PLEKHM2: variants seen among roughly 807,000 people sequenced by gnomAD.
The protein encoded by PLEKHM2 is pleckstrin homology and RUN domain containing M2, also known as pleckstrin homology domain-containing family M member 2.
Under a neutral mutation model 116.3 loss-of-function variants are expected in PLEKHM2, and 77 were observed. That is an observed-to-expected ratio of 0.66 (90% CI 0.55 to 0.80). PLEKHM2 has a LOEUF of 0.80. Ranked by LOEUF, PLEKHM2 falls within the 30% of genes least tolerant of loss-of-function variation. PLEKHM2 has a pLI of 0.00. For missense variants in PLEKHM2, 1,183 were observed against 1,354.9 expected (o/e 0.87, Z 1.99); for synonymous variants, 562 against 571.0 (o/e 0.98, Z 0.22).
chr1:15,699,149 A>G (rs1233045691), intron 1 of PLEKHM2, among the ~76,000 whole-genome samples: 1 of 151,776 alleles, frequency 6.6e-6, no homozygotes, highest in East Asian at 1.9e-4. Context: ...ATATAGTGAG[A>G]CCCCATCTCT....
rs747984540 is a variant in PLEKHM2 at position 15,725,432 on chromosome 1, G to A, written c.828G>A (p.Pro276=). ...GCCAGAACCCCTTCAACGAGGAGCC[G>A]GCAGAGACTGTGTCCTCCTCTGACA... ...TQRQNPFNEE[P]AETVSSSDTT... is the part of the protein sequence containing the mutation. Residue 276 remains proline (P), a synonymous_variant, in exon 8 of 20, where the codon CCG becomes CCA. Coordinates refer to ENST00000375799, the MANE Select transcript of PLEKHM2 (RefSeq NM_015164.4). The A allele has an allele frequency of 6.5e-5, 102 of 1,561,904 alleles. No homozygotes were observed. Among genetic ancestry groups the A allele is most frequent in the Middle Eastern group, 1.7e-4 (1 of 6,030 alleles).
In PLEKHM2 at chr1:15,727,968, C is replaced by A; in HGVS notation, c.1761-111C>A. 1.7e-6 allele frequency: 2 copies of A among 1,210,566 alleles called. No homozygotes were observed. The highest frequency in any genetic ancestry group is 2.4e-6 in the Non-Finnish European group (2 of 838,638). The allele number at this position is 1,210,566 out of a possible 1,614,324, so 75.0% of individuals were successfully genotyped here. On this transcript the variant is annotated intron_variant, in intron 9 of 19. Transcript: ENST00000375799. The surrounding 1 kb of genome is among the most constrained non-coding windows in gnomAD (Gnocchi z 7.5). ...AAGGGGTGTGAGCCTCCCTCCCTAA[C>A]TTTGGCTCCTAGTGGGAGGCGGAGG...
At chr1:15,709,753 G>A (rs929764757) in intron 1 of PLEKHM2, among the ~76,000 whole-genome samples, 18 of 152,024 alleles carry the variant, frequency 1.2e-4, no homozygotes, top group Non-Finnish European at 2.4e-4. Context: ...AATACCATGT[G>A]TAGATATGCA....
chr1:15,686,648 A>ATTTTTTTTTTTTTTTTTTTTTTTT (rs1233033159), intron 1 of PLEKHM2, among the ~76,000 whole-genome samples: 6 of 134,220 alleles, frequency 4.5e-5, no homozygotes, highest in African/African-American at 1.8e-4. Flanking sequence ...ACCCGGCTAA[A>ATTTTTTTTTTTTTTTTTTTTTTTT]TTTTTTTTTT....
rs200036096 is a variant in PLEKHM2 at position 15,727,749 on chromosome 1, C to T, written c.1677C>T (p.Ser559=). 1,062 of 1,603,614 alleles carry T rather than the reference C, an allele frequency of 6.6e-4. 1 individual carries two copies. Among genetic ancestry groups the T allele is most frequent in the Non-Finnish European group, 8.6e-4 (1,015 of 1,175,974 alleles). The change falls in exon 9 of 20, where the codon AGC becomes AGT. Residue 559 remains serine (S), a synonymous_variant. Coordinates refer to ENST00000375799, the MANE Select transcript of PLEKHM2 (RefSeq NM_015164.4). This position sits in a 1 kb window ranked among gnomAD's most constrained non-coding sequence, Gnocchi z 7.5. ...VLCQLKRDQP[S]PCLSSAEDSG... is the part of the protein sequence containing the mutation. ...GCCAGCTCAAGCGAGACCAGCCCAGCCCGTGTCTGAGTAGCGCTGAGGATT... is the reference window on the plus strand; with the variant it reads ...GCCAGCTCAAGCGAGACCAGCCCAGTCCGTGTCTGAGTAGCGCTGAGGATT...
chr1:15,730,812 C>A, intron 15 of PLEKHM2, 90 bp downstream of exon 15: 1 of 1,074,164 alleles, frequency 9.3e-7, no homozygotes, highest in South Asian at 1.6e-5. Flanking sequence ...CGCAGCAGGT[C>A]ACTGAGGGAG....
chr1:15,690,855 C>G (rs1341965153), intron 1 of PLEKHM2, among the ~76,000 whole-genome samples: 2 of 152,114 alleles, frequency 1.3e-5, no homozygotes, highest in Non-Finnish European at 2.9e-5. Flanking sequence ...CCTCATGGAG[C>G]TGACATTCTA....
chr1:15,703,076 G>A (rs1462566317), intron 1 of PLEKHM2, among the ~76,000 whole-genome samples: 1 of 152,164 alleles, frequency 6.6e-6, no homozygotes, highest in Non-Finnish European at 1.5e-5. Flanking sequence ...TCCTAGACCT[G>A]TCCTGCTGAG....
chr1:15,733,951 G>T lies in PLEKHM2; in HGVS notation c.*17G>T. On this transcript the variant is annotated 3_prime_UTR_variant, in exon 20 of 20. Coordinates refer to ENST00000375799, the MANE Select transcript of PLEKHM2 (RefSeq NM_015164.4). ...TGGTGCTGAGGCAGAGCTGGTTGGCGTCCCTGGTGGGCAGGAAAGGAAGGC... is the reference window on the plus strand; with the variant it reads ...TGGTGCTGAGGCAGAGCTGGTTGGCTTCCCTGGTGGGCAGGAAAGGAAGGC... 6.2e-7 allele frequency: 1 copy of T among 1,605,914 alleles called. No homozygotes were observed. The highest frequency in any genetic ancestry group is 1.1e-5 in the South Asian group (1 of 90,516).
rs768343269 is a variant in PLEKHM2 at position 15,727,479 on chromosome 1, C to T, written c.1407C>T (p.Val469=). The change falls in exon 9 of 20, where the codon GTC becomes GTT. Residue 469 remains valine (V), a synonymous_variant. Coordinates refer to ENST00000375799, the MANE Select transcript of PLEKHM2 (RefSeq NM_015164.4). The surrounding 1 kb of genome is among the most constrained non-coding windows in gnomAD (Gnocchi z 7.5). ...SAPMDFYRFT[V]ESPSTVTSGG... is the part of the protein sequence containing the mutation. The stretch of plus-strand genomic sequence containing the variant: ...CAATGGACTTCTACCGCTTTACCGT[C>T]GAGAGTCCAAGCACTGTTACATCAG... The T allele has an allele frequency of 8.8e-6, 14 of 1,598,762 alleles. No homozygotes were observed. Among genetic ancestry groups the T allele is most frequent in the South Asian group, 2.2e-5 (2 of 88,952 alleles).
chr1:15,701,319 A>G lies in PLEKHM2; in HGVS notation c.61-14918A>G, dbSNP rs1164756639. Among the ~76,000 whole-genome samples, 6 of 135,402 alleles carry G rather than the reference A, an allele frequency of 4.4e-5. No homozygotes were observed. In the East Asian group the frequency reaches 9.7e-4, roughly 22 times the overall value. The allele number at this position is 135,402 out of a possible 152,430, so 88.8% of individuals were successfully genotyped here. The stretch of plus-strand genomic sequence containing the variant: ...ATGGTGGCAGGTGCCTGTAATCCCA[A>G]CTACTCGAGAGGCTGAGGCAGGAGA... On this transcript the variant is annotated intron_variant, in intron 1 of 19. Transcript: ENST00000375799.
upstream of PLEKHM2, among the ~76,000 whole-genome samples, chr1:15,683,911 G>A (rs1430778166): frequency 7.2e-6 from 1 of 139,070 alleles, no homozygotes; most frequent in South Asian, 2.4e-4. Flanking sequence ...GAATCTGTGG[G>A]CTGACGAGGC....
Position 15,717,983 on chromosome 1 carries a change from AC to A in PLEKHM2, c.369del (p.Tyr124ThrfsTer13), listed in dbSNP as rs1422947870. ...GAGAACCTGGGCCTGCTGCATAAGTACTACGTCAAGTGAGTGTCTGGGACGG... is the reference window on the plus strand; with the variant it reads ...GAGAACCTGGGCCTGCTGCATAAGTATACGTCAAGTGAGTGTCTGGGACGG... ...FQENLGLLHK[Y>X]YVKNALVCSH... On this transcript the variant is annotated frameshift_variant, in exon 4 of 20. Coordinates refer to ENST00000375799, the MANE Select transcript of PLEKHM2 (RefSeq NM_015164.4). LOFTEE classifies it high-confidence loss of function. 1 of 1,586,394 alleles carries A rather than the reference AC, an allele frequency of 6.3e-7. No homozygotes were observed. The highest frequency in any genetic ancestry group is 8.6e-7 in the Non-Finnish European group (1 of 1,164,676).
Position 15,721,436 on chromosome 1 carries a change from C to T in PLEKHM2, c.712+48C>T, listed in dbSNP as rs2067996680. The stretch of plus-strand genomic sequence containing the variant: ...CCTCTTTTCCTGTTTTGCAATGTTT[C>T]CATGCCAAGCTTGCTGCATGTATCA... On this transcript the variant is annotated intron_variant, in intron 7 of 19. Coordinates refer to ENST00000375799, the MANE Select transcript of PLEKHM2 (RefSeq NM_015164.4). The surrounding 1 kb of genome is among the most constrained non-coding windows in gnomAD (Gnocchi z 5.1). 8.6e-7 allele frequency: 1 copy of T among 1,156,266 alleles called. No individual in the cohort carries two copies. Among genetic ancestry groups the T allele is most frequent in the Middle Eastern group, 1.9e-4 (1 of 5,270 alleles). The allele number at this position is 1,156,266 out of a possible 1,614,324, so 71.6% of individuals were successfully genotyped here. A position where few individuals can be genotyped will look rare whatever the true frequency, so the allele number is the denominator to read the frequency against.
At chr1:15,698,875 C>T (rs1451886785) in intron 1 of PLEKHM2, among the ~76,000 whole-genome samples, 1 of 152,092 alleles carries the variant, frequency 6.6e-6, no homozygotes, top group Non-Finnish European at 1.5e-5. Context: ...AGCAACTAGC[C>T]TCATTGTTTT....
chr1:15,691,708 A>G (rs1329965308), intron 1 of PLEKHM2, among the ~76,000 whole-genome samples: 2 of 152,192 alleles, frequency 1.3e-5, no homozygotes, highest in Non-Finnish European at 2.9e-5. Flanking sequence ...TGTTCAGCCC[A>G]GCCTGTCTGT....
At chr1:15,731,861 C>T (rs1391030721) in intron 16 of PLEKHM2, 28 bp from the exon 17 acceptor site, 3 of 1,597,986 alleles carry the variant, frequency 1.9e-6, no homozygotes, top group Non-Finnish European at 8.5e-7. Context: ...CCTCCTCGCT[C>T]CCGTTTCACC....
chr1:15,682,253 A>C (rs1012524153), upstream of PLEKHM2, among the ~76,000 whole-genome samples: 3 of 151,886 alleles, frequency 2.0e-5, no homozygotes, highest in Non-Finnish European at 4.4e-5. Flanking sequence ...GTTCAAGACC[A>C]GCCTGGCCAA....
At position 15,729,181 on chromosome 1, in the gene PLEKHM2, C is replaced by T. The variant is rs545971251; in HGVS notation, c.2066C>T (p.Ala689Val). ...KQFLLDTADV[A>V]LAEFFLASLK... ...TTTCTGCTGGACACGGCTGATGTGG[C>T]GCTGGCTGAGTGAGTGGCAACCCCG... Residue 689 changes from alanine to valine, a missense_variant, in exon 13 of 20, where the codon GCG becomes GTG. By Grantham distance (64) the Ala-to-Val change is moderately conservative. Coordinates refer to ENST00000375799, the MANE Select transcript of PLEKHM2 (RefSeq NM_015164.4). This position sits in a 1 kb window ranked among gnomAD's most constrained non-coding sequence, Gnocchi z 4.7. 36 of 1,609,624 alleles carry T rather than the reference C, an allele frequency of 2.2e-5. No homozygotes were observed. Among genetic ancestry groups the T allele is most frequent in the South Asian group, 2.1e-4 (19 of 90,244 alleles).
Sources: gnomAD v4.1 joint callset for allele counts (sites outside exome capture counted in the v4.1 genomes callset) on GRCh38, gnomAD v4.1.1 for gene constraint, Gnocchi (gnomAD v3.1) non-coding constraint, MANE v1.5 for transcripts, NCBI Gene and HGNC (gene_info 2026-07-23, HGNC 2026-07-21) for gene names.